Variants in SREK1 observed in about 807,000 individuals in gnomAD.
SREK1 encodes splicing regulatory glutamic acid and lysine rich protein 1.
A neutral mutation model predicts 66.5 loss-of-function variants in SREK1; 13 were observed. The ratio of observed to expected loss-of-function variants is 0.20; its 90% confidence interval spans 0.13 to 0.31. The LOEUF (loss-of-function observed/expected upper bound fraction) is 0.31. Ranked by LOEUF, SREK1 falls within the 10% of genes least tolerant of loss-of-function variation. The pLI, the probability that SREK1 is intolerant of heterozygous loss-of-function variation, is 1.00. For missense variants in SREK1, 607 were observed against 769.6 expected, an observed-to-expected ratio of 0.79 and a Z score of 2.50; for synonymous variants, 265 against 263.5, an observed-to-expected ratio of 1.01 and a Z score of -0.05.
Position 66,170,866 on chromosome 5 carries a change from A to T in SREK1, c.1403A>T (p.Asp468Val). 6.2e-7 allele frequency: 1 copy of T among 1,613,820 alleles called. No individual in the cohort carries two copies. The highest frequency in any genetic ancestry group is 8.5e-7 in the Non-Finnish European group (1 of 1,179,954). The change falls in exon 9 of 12, where the codon GAT (aspartate) becomes GTT (valine). Residue 468 changes from aspartate to valine, a missense_variant. Asp to Val is a radical substitution (Grantham distance 152). Transcript: ENST00000334121. ...EREKDRSKEI[D>V]EKRKKDKKSR... is the part of the protein sequence containing the mutation. ...GAAAAAGACAGATCCAAAGAGATAGATGAAAAAAGAAAGAAGGATAAAAAA... is the reference window on the plus strand; with the variant it reads ...GAAAAAGACAGATCCAAAGAGATAGTTGAAAAAAGAAAGAAGGATAAAAAA...
At chr5:66,169,376 T>C (rs915006914) in intron 7 of SREK1, 1 of 152,200 alleles carries the variant, frequency 6.6e-6, no homozygotes, top group Non-Finnish European at 1.5e-5. Context: ...TGGAGCATTT[T>C]GGATTTTTCA....
chr5:66,144,486 C>T lies in SREK1; in HGVS notation c.110C>T (p.Thr37Met). The change falls in exon 1 of 12, where the codon ACG (threonine) becomes ATG (methionine). Residue 37 changes from threonine to methionine, a missense_variant. Around this residue, in one of 5 missense-constraint regions of SREK1, gnomAD observed 75 missense variants for 72.9 expected, o/e 1.03. Transcript: ENST00000334121. ...GCGGTGACCAGCGAGCAGATGCGGA[C>T]GCTTTTTTCCTTCCTAGGAGAAATC... ...SSAVTSEQMR[T>M]LFSFLGEIEE... The T allele has an allele frequency of 2.3e-5, 36 of 1,553,630 alleles. No homozygotes were observed. Among genetic ancestry groups the T allele is most frequent in the Non-Finnish European group, 3.1e-5 (36 of 1,148,046 alleles).
chr5:66,156,681 G>A (rs1374762643), intron 2 of SREK1: 1 of 985,046 alleles, frequency 1.0e-6, no homozygotes, highest in African/African-American at 1.7e-5. Flanking sequence ...AGGAAAATAA[G>A]TAAATATAAC....
At chr5:66,158,714 CTTTT>C in intron 2 of SREK1, 25 of 1,093,170 alleles carry the variant, frequency 2.3e-5, no homozygotes, top group Non-Finnish European at 2.9e-5. Flanking sequence ...TTTTCTTTTT[CTTTT>C]TTTTGACTAA....
At chr5:66,160,876 T>C (rs867367201) in intron 3 of SREK1, among the ~76,000 whole-genome samples, 2 of 152,320 alleles carry the variant, frequency 1.3e-5, no homozygotes, top group Middle Eastern at 3.4e-3. Context: ...AAAGCTCTTT[T>C]CGTTCTGAAA....
At chr5:66,154,509 G>A (rs1196036964) in intron 2 of SREK1, among the ~76,000 whole-genome samples, 1 of 152,172 alleles carries the variant, frequency 6.6e-6, no homozygotes, top group African/African-American at 2.4e-5. Context: ...ATGGAAAACA[G>A]TTTGATGGGC....
intron 3 of SREK1, among the ~76,000 whole-genome samples, chr5:66,160,844 A>G (rs1175889984): frequency 6.6e-6 from 1 of 152,202 alleles, no homozygotes; most frequent in Non-Finnish European, 1.5e-5. Context: ...TGGAAATGAA[A>G]AGAGTTGTGC....
At chr5:66,171,187 A>C (rs1745615602) in intron 9 of SREK1, among the ~76,000 whole-genome samples, 1 of 152,196 alleles carries the variant, frequency 6.6e-6, no homozygotes, top group Admixed American at 6.5e-5. Flanking sequence ...ATAGAATAAT[A>C]ATAATTGTTA....
intron 7 of SREK1, chr5:66,166,639 T>G (rs1277774063): frequency 6.6e-6 from 1 of 151,984 alleles, no homozygotes; most frequent in East Asian, 1.9e-4. Flanking sequence ...CTGGCTAATT[T>G]TGTATTTTTT....
rs1461684519 is a variant in SREK1, at chr5:66,182,032, G to A, written c.*3164G>A. The A allele has an allele frequency of 6.6e-6, 1 of 151,650 alleles. No individual in the cohort carries two copies. Among genetic ancestry groups the A allele is most frequent in the East Asian group, 1.9e-4 (1 of 5,174 alleles). The allele number at this position is 151,650 out of a possible 1,614,324, so 9.4% of individuals were successfully genotyped here. On this transcript the variant is annotated 3_prime_UTR_variant, in exon 12 of 12. Transcript: ENST00000334121. Reference sequence around the variant, plus strand: ...TGATCTAACTCCCTTCTCAAGTGAAGATACTGTGTAGATTCAAGAATTATA... The same window carrying A: ...TGATCTAACTCCCTTCTCAAGTGAAAATACTGTGTAGATTCAAGAATTATA...
chr5:66,167,827 G>A (rs1745297816), intron 7 of SREK1: 1 of 152,114 alleles, frequency 6.6e-6, no homozygotes. Context: ...TTTTTAGCAA[G>A]GACAACTTAA....
chr5:66,176,647 A>C (rs1156347541), intron 10 of SREK1, among the ~76,000 whole-genome samples: 1 of 152,110 alleles, frequency 6.6e-6, no homozygotes, highest in African/African-American at 2.4e-5. Flanking sequence ...GGTATATCTT[A>C]TTAGGCCATC....
chr5:66,152,592 G>A (rs1030705388), intron 1 of SREK1, among the ~76,000 whole-genome samples: 1 of 152,154 alleles, frequency 6.6e-6, no homozygotes, highest in Non-Finnish European at 1.5e-5. Flanking sequence ...TATTTTTCAA[G>A]TGATCTCTCT....
At chr5:66,161,658 A>C (rs1221042541) in intron 3 of SREK1, among the ~76,000 whole-genome samples, 1 of 152,240 alleles carries the variant, frequency 6.6e-6, no homozygotes, top group African/African-American at 2.4e-5. Context: ...AGTGTTAATG[A>C]ATCGACAATA....
In SREK1 at chr5:66,179,023, A is replaced by G. The variant is rs878963239; in HGVS notation, c.*155A>G. On this transcript the variant is annotated 3_prime_UTR_variant, in exon 12 of 12. Coordinates refer to ENST00000334121, the MANE Select transcript of SREK1 (RefSeq NM_001077199.3). ...TAGATGACTTTGTGGCCATCTTGTTATTGAGTAAGAAAATAAAGCATGGAC... is the reference window on the plus strand; with the variant it reads ...TAGATGACTTTGTGGCCATCTTGTTGTTGAGTAAGAAAATAAAGCATGGAC... 4.1e-6 allele frequency: 3 copies of G among 738,066 alleles called. No individual in the cohort carries two copies. The highest frequency in any genetic ancestry group is 3.9e-6 in the Non-Finnish European group (2 of 508,562). The allele number at this position is 738,066 out of a possible 1,614,324, so 45.7% of individuals were successfully genotyped here.
intron 1 of SREK1, 65 bp from the exon 2 acceptor site, chr5:66,153,398 T>C: frequency 6.4e-7 from 1 of 1,562,558 alleles, no homozygotes. Context: ...AAAGAAATTT[T>C]AAGTGAAAAT....
chr5:66,150,184 G>A (rs188626911), intron 1 of SREK1, among the ~76,000 whole-genome samples: 248 of 152,314 alleles, frequency 1.6e-3, no homozygotes, highest in African/African-American at 5.7e-3. Context: ...ATCATTTATG[G>A]CTAGAGAAGC....
At position 66,164,196 on chromosome 5, in the gene SREK1, A is replaced by C. The variant is rs1036324419; in HGVS notation, c.886+274A>C. ...TGCTCACAAGTGATTTGCTGAAAGC[A>C]AAAATGTTATTGCAAGGCTAAAAAG... On this transcript the variant is annotated intron_variant, in intron 6 of 11. Transcript: ENST00000334121. 8 of 346,948 alleles carry C rather than the reference A, an allele frequency of 2.3e-5. No individual in the cohort carries two copies. The South Asian group carries it at 3.2e-4, about 14-fold the overall frequency. The allele number at this position is 346,948 out of a possible 1,614,324, so 21.5% of individuals were successfully genotyped here.
At chr5:66,159,148 A>G in intron 2 of SREK1, 71 bp from the exon 3 acceptor site, 1 of 1,537,114 alleles carries the variant, frequency 6.5e-7, no homozygotes. Flanking sequence ...TGCAAGGGTA[A>G]TTGTAAAATC....
Sources: gnomAD v4.1 joint callset for allele counts (sites outside exome capture counted in the v4.1 genomes callset) on GRCh38, gnomAD v4.1.1 for gene constraint, gnomAD v4.1.1 regional missense constraint, MANE v1.5 for transcripts, NCBI Gene and HGNC (gene_info 2026-07-23, HGNC 2026-07-21) for gene names.